The following LIPK variants were observed in gnomAD, a reference collection of about 807,000 sequenced individuals.
LIPK encodes lipase member K.
In LIPK, 32 loss-of-function variants were observed where a neutral mutation model predicts 48.6. The observed-to-expected ratio is 0.66, with a 90% confidence interval of 0.50 to 0.88. The LOEUF (loss-of-function observed/expected upper bound fraction) is 0.88, where lower values mean the gene tolerates loss of function less well. Ranked by LOEUF, LIPK falls within the 40% of genes least tolerant of loss-of-function variation. The probability of loss-of-function intolerance (pLI) is 0.00; values close to 1 mark genes in which losing one functional copy is unlikely to be tolerated. For missense variants in LIPK, 507 were observed against 478.5 expected (o/e 1.06, Z -0.56); for synonymous variants, 164 against 157.4 (o/e 1.04, Z -0.32).
At chr10:88,737,852 T>C (rs1842605804) in intron 7 of LIPK, 71 bp downstream of exon 7, 1 of 1,510,980 alleles carries the variant, frequency 6.6e-7, no homozygotes, top group East Asian at 2.3e-5. Context: ...TTATCCTGGA[T>C]TGTATGGCAA....
intron 1 of LIPK, among the ~76,000 whole-genome samples, chr10:88,714,452 C>T (rs900820269): frequency 2.6e-5 from 4 of 152,056 alleles, no homozygotes; most frequent in African/African-American, 4.8e-5. Flanking sequence ...TCTGTAAAAT[C>T]GTCGATGAGT....
At chr10:88,723,802 A>G (rs1842280515) in intron 1 of LIPK, among the ~76,000 whole-genome samples, 1 of 151,964 alleles carries the variant, frequency 6.6e-6, no homozygotes, top group South Asian at 2.1e-4. Context: ...GGTTTGTGTC[A>G]TCATTGAACT....
chr10:88,730,880 T>A, intron 3 of LIPK, 103 bp from the exon 4 acceptor site: 2 of 1,074,090 alleles, frequency 1.9e-6, no homozygotes, highest in Non-Finnish European at 2.6e-6. Flanking sequence ...TCAAATTTTA[T>A]CTCTTAACCT....
intron 1 of LIPK, among the ~76,000 whole-genome samples, chr10:88,719,544 C>T (rs1842182244): frequency 6.6e-6 from 1 of 152,192 alleles, no homozygotes; most frequent in South Asian, 2.1e-4. Flanking sequence ...TTCAGGGATT[C>T]ATCATTAGCT....
intron 2 of LIPK, 50 bp downstream of exon 2, chr10:88,724,698 T>G: frequency 7.5e-7 from 1 of 1,337,712 alleles, no homozygotes; most frequent in Non-Finnish European, 1.0e-6. Context: ...TTATTCATAT[T>G]TCAGCATTTT....
chr10:88,736,833 T>A (rs1842581417), intron 6 of LIPK, among the ~76,000 whole-genome samples: 1 of 152,222 alleles, frequency 6.6e-6, no homozygotes, highest in Non-Finnish European at 1.5e-5. Flanking sequence ...TAAATGCTAG[T>A]TATTACTGTT....
At chr10:88,746,362 G>T (rs1048836376) in intron 9 of LIPK, among the ~76,000 whole-genome samples, 2 of 151,260 alleles carry the variant, frequency 1.3e-5, no homozygotes, top group African/African-American at 2.4e-5. Context: ...CTCTAAAATC[G>T]ACCACACACT....
In LIPK at chr10:88,710,531, T is replaced by C. The variant is rs368455962; in HGVS notation, c.-12+4211T>C. 2.4e-4 allele frequency among the ~76,000 whole-genome samples: 37 copies of C among 152,314 alleles called. No homozygotes were observed. In the South Asian group the frequency reaches 7.2e-3, roughly 30 times the overall value. ...TTGCCCTAGAACCAAGCAAACACTA[T>C]TGTGATTTCTATTCCTATGAATTAG... is the stretch of plus-strand genomic sequence containing the variant. On this transcript the variant is annotated intron_variant, in intron 1 of 9. Transcript: ENST00000404190.
intron 3 of LIPK, 120 bp from the exon 4 acceptor site, chr10:88,730,863 C>A: frequency 2.4e-6 from 2 of 834,240 alleles, no homozygotes; most frequent in East Asian, 2.8e-5. Flanking sequence ...CCCAGGTTTG[C>A]CTGGCATCAA....
intron 6 of LIPK, among the ~76,000 whole-genome samples, chr10:88,733,109 C>A (rs571643555): frequency 6.6e-6 from 1 of 152,248 alleles, no homozygotes; most frequent in East Asian, 1.9e-4. Flanking sequence ...TAAATGTTAA[C>A]AATTGTTTTT....
At chr10:88,722,889 C>CTTTTTTTTTTTTTTTTTTT (rs398014386) in intron 1 of LIPK, among the ~76,000 whole-genome samples, 10 of 113,204 alleles carry the variant, frequency 8.8e-5, no homozygotes, top group South Asian at 2.8e-4. Flanking sequence ...TTTCTTTTTT[C>CTTTTTTTTTTTTTTTTTTT]TTTTTTTTTT....
intron 8 of LIPK, among the ~76,000 whole-genome samples, chr10:88,741,628 C>T (rs1321531824): frequency 6.6e-6 from 1 of 151,972 alleles, no homozygotes; most frequent in African/African-American, 2.4e-5. Flanking sequence ...TGGTGGGGGG[C>T]ATGGTGAATA....
At chr10:88,706,610 T>A (rs1015635456) in intron 1 of LIPK, among the ~76,000 whole-genome samples, 1 of 152,168 alleles carries the variant, frequency 6.6e-6, no homozygotes, top group African/African-American at 2.4e-5. Context: ...TGGAAAAATC[T>A]AGCAATAAAT....
At chr10:88,707,537 T>C (rs1209491509) in intron 1 of LIPK, among the ~76,000 whole-genome samples, 9 of 152,150 alleles carry the variant, frequency 5.9e-5, no homozygotes, top group Admixed American at 5.9e-4. Flanking sequence ...CTTTAAATGT[T>C]TGTTATTCAT....
intron 6 of LIPK, 86 bp from the exon 7 acceptor site, chr10:88,737,549 T>C: frequency 1.5e-6 from 2 of 1,371,192 alleles, no homozygotes; most frequent in South Asian, 1.3e-5. Flanking sequence ...CACCTAATAC[T>C]GTGCAGTCCT....
intron 3 of LIPK, among the ~76,000 whole-genome samples, chr10:88,730,361 C>G (rs1281680347): frequency 1.3e-5 from 2 of 151,542 alleles, no homozygotes; most frequent in Non-Finnish European, 1.5e-5. Context: ...GCGATCTCGG[C>G]TCACTGCAAG....
chr10:88,722,134 C>T lies in LIPK; in HGVS notation c.-11-2399C>T, dbSNP rs2134708281. Among the ~76,000 whole-genome samples the T allele has an allele frequency of 2.0e-5, 3 of 152,266 alleles. No homozygotes were observed. In the Middle Eastern group the frequency reaches 0.01, roughly 518 times the overall value. On this transcript the variant is annotated intron_variant, in intron 1 of 9. Coordinates refer to ENST00000404190, the MANE Select transcript of LIPK (RefSeq NM_001080518.2). ...CCAAAATGGTGAAACCCCGTCTCTA[C>T]TAAAACTACAAAAAATTAGGTGTGG...
intron 1 of LIPK, among the ~76,000 whole-genome samples, chr10:88,710,055 A>G (rs1224636338): frequency 1.3e-5 from 2 of 152,000 alleles, no homozygotes; most frequent in African/African-American, 4.8e-5. Context: ...CCTCTATTTA[A>G]CATAATGTTA....
intron 1 of LIPK, among the ~76,000 whole-genome samples, chr10:88,717,446 C>T (rs1842140248): frequency 6.6e-6 from 1 of 152,058 alleles, no homozygotes; most frequent in African/African-American, 2.4e-5. Flanking sequence ...TTCTTTGGAA[C>T]TTTGCAACAA....
Sources: allele counts gnomAD v4.1 joint callset (sites outside exome capture counted in the v4.1 genomes callset), GRCh38; gene constraint gnomAD v4.1.1; transcripts MANE v1.5; gene names NCBI Gene and HGNC (gene_info 2026-07-23, HGNC 2026-07-21).